WDR43: variants seen among roughly 807,000 people sequenced by gnomAD.
WDR43 encodes WD repeat domain 43.
A neutral mutation model predicts 91.4 loss-of-function variants in WDR43; 13 were observed. That is an observed-to-expected ratio of 0.14 (90% CI 0.09 to 0.23). The LOEUF (loss-of-function observed/expected upper bound fraction) is 0.23. Among genes scored for constraint, WDR43 ranks in the 10% least tolerant of loss-of-function variants. The probability of loss-of-function intolerance (pLI) is 1.00; values close to 1 mark genes in which losing one functional copy is unlikely to be tolerated. For synonymous variants in WDR43, 331 were observed against 287.9 expected, an observed-to-expected ratio of 1.15 and a Z score of -1.51; for missense variants, 780 against 809.4, an observed-to-expected ratio of 0.96 and a Z score of 0.44.
At chr2:28,909,396 G>C (rs1670747368) in intron 3 of WDR43, among the ~76,000 whole-genome samples, 1 of 152,282 alleles carries the variant, frequency 6.6e-6, no homozygotes, top group South Asian at 2.1e-4. Flanking sequence ...GCCTCCCAAA[G>C]TGCTGGGATT....
At chr2:28,898,409 C>A (rs118177042) in intron 1 of WDR43, among the ~76,000 whole-genome samples, 1 of 152,278 alleles carries the variant, frequency 6.6e-6, no homozygotes, top group East Asian at 1.9e-4. Flanking sequence ...GTAAAGGTTG[C>A]AGATAGATCT....
At chr2:28,914,580 AGT>A (rs1358179886) in intron 5 of WDR43, among the ~76,000 whole-genome samples, 1 of 152,234 alleles carries the variant, frequency 6.6e-6, no homozygotes, top group Non-Finnish European at 1.5e-5. Flanking sequence ...CAGAATTTCC[AGT>A]AACTCCTTTT....
chr2:28,924,758 G>C (rs914230125), intron 7 of WDR43, among the ~76,000 whole-genome samples: 1 of 152,002 alleles, frequency 6.6e-6, no homozygotes, highest in South Asian at 2.1e-4. Flanking sequence ...TGGGACAGAG[G>C]GGGAAGTAGG....
intron 11 of WDR43, among the ~76,000 whole-genome samples, chr2:28,932,335 G>C (rs1671263956): frequency 6.6e-6 from 1 of 152,058 alleles, no homozygotes; most frequent in African/African-American, 2.4e-5. Flanking sequence ...AGCTAATTTT[G>C]TATTTTTAGT....
rs11352086 is a variant in WDR43, at chr2:28,931,874, C to CT, written c.1437+2182dup. ...AAATACACATGCCCTTCCCCCCGCC[C>CT]TTTTTTTTTTTTTTTTTTAAATGAG... is the stretch of plus-strand genomic sequence containing the variant. On this transcript the variant is annotated intron_variant, in intron 11 of 17. Transcript: ENST00000407426. 3.3e-3 allele frequency among the ~76,000 whole-genome samples: 429 copies of CT among 128,354 alleles called. 5 individuals carry two copies. The highest frequency in any genetic ancestry group is 0.022 in the East Asian group (101 of 4,586). The allele number at this position is 128,354 out of a possible 152,430, so 84.2% of individuals were successfully genotyped here. A position where few individuals can be genotyped will look rare whatever the true frequency, so the allele number is the denominator to read the frequency against.
chr2:28,940,279 G>T (rs1369125549), intron 14 of WDR43, among the ~76,000 whole-genome samples: 5 of 151,688 alleles, frequency 3.3e-5, no homozygotes, highest in Non-Finnish European at 7.4e-5. Flanking sequence ...GCCTAGGCTG[G>T]AGTGCAATGG....
At chr2:28,929,769 T>G in intron 11 of WDR43, 59 bp downstream of exon 11, 1 of 1,533,140 alleles carries the variant, frequency 6.5e-7, no homozygotes, top group Non-Finnish European at 9.0e-7. Flanking sequence ...AGAAAATGAT[T>G]GACATAGCAC....
rs1671208517 is a variant in WDR43 at position 28,929,773 on chromosome 2, A to G, written c.1437+63A>G. 5.3e-6 allele frequency: 8 copies of G among 1,518,556 alleles called. No homozygotes were observed. The Admixed American group carries it at 1.1e-4, about 20-fold the overall frequency. The allele number at this position is 1,518,556 out of a possible 1,614,324, so 94.1% of individuals were successfully genotyped here. ...TAATATTTCTTAGAAAATGATTGACATAGCACATTCACAGCTGTGAGCCAT... is the reference window on the plus strand; with the variant it reads ...TAATATTTCTTAGAAAATGATTGACGTAGCACATTCACAGCTGTGAGCCAT... On this transcript the variant is annotated intron_variant, in intron 11 of 17. Coordinates refer to ENST00000407426, the MANE Select transcript of WDR43 (RefSeq NM_015131.3).
chr2:28,925,126 T>C lies in WDR43; in HGVS notation c.1059T>C (p.Ser353=). 6.2e-7 allele frequency: 1 copy of C among 1,613,800 alleles called. No individual in the cohort carries two copies. The highest frequency in any genetic ancestry group is 1.3e-5 in the African/African-American group (1 of 75,024). ...TGTCATTGTTGCTTGTATATGGCAG[T>C]TGGTTTCAGCCTACTATTGAGCGAG... The part of the protein sequence containing the change: ...DKMSLLLVYG[S]WFQPTIERVA... The change falls in exon 8 of 18, where the codon AGT becomes AGC. Residue 353 remains serine (S), a synonymous_variant. Coordinates refer to ENST00000407426, the MANE Select transcript of WDR43 (RefSeq NM_015131.3).
chr2:28,918,559 G>A lies in WDR43; in HGVS notation c.849+564G>A, dbSNP rs183652683. Among the ~76,000 whole-genome samples the A allele has an allele frequency of 6.6e-5, 10 of 151,924 alleles. 1 individual carries two copies. Among genetic ancestry groups the A allele is most frequent in the South Asian group, 6.2e-4 (3 of 4,808 alleles). The stretch of plus-strand genomic sequence containing the variant: ...AATTTTGTATTTTTTAGTAGAGATG[G>A]GGTTTCTCCATTTTGGTCAGGCTGG... On this transcript the variant is annotated intron_variant, in intron 6 of 17. Coordinates refer to ENST00000407426, the MANE Select transcript of WDR43 (RefSeq NM_015131.3).
chr2:28,913,185 G>A (rs186939345), intron 4 of WDR43, among the ~76,000 whole-genome samples: 1,618 of 152,034 alleles, frequency 0.011, 30 homozygotes, highest in African/African-American at 0.036. Flanking sequence ...CGATCTCCTG[G>A]CCTCGTGATC....
At chr2:28,904,030 C>G (rs1670628004) in intron 2 of WDR43, among the ~76,000 whole-genome samples, 1 of 152,088 alleles carries the variant, frequency 6.6e-6, no homozygotes, top group South Asian at 2.1e-4. Context: ...GTGTCGAACT[C>G]CTGGCCTCGT....
Position 28,906,483 on chromosome 2 carries a change from C to T in WDR43, c.387C>T (p.Val129=). Reference sequence around the variant, plus strand: ...AGAGTGGTGGACATGACAACAGAGTCAACTGCATACAGTGGCATCAAGACA... The same window carrying T: ...AGAGTGGTGGACATGACAACAGAGTTAACTGCATACAGTGGCATCAAGACA... The part of the protein sequence containing the change: ...KLISGGHDNR[V]NCIQWHQDSG... The change falls in exon 3 of 18, where the codon GTC becomes GTT. Residue 129 remains valine (V), a synonymous_variant. Coordinates refer to ENST00000407426, the MANE Select transcript of WDR43 (RefSeq NM_015131.3). The T allele has an allele frequency of 1.9e-6, 3 of 1,573,824 alleles. No individual in the cohort carries two copies. Among genetic ancestry groups the T allele is most frequent in the Non-Finnish European group, 2.6e-6 (3 of 1,160,046 alleles).
chr2:28,938,105 A>G (rs1671367285), intron 14 of WDR43, 111 bp downstream of exon 14: 1 of 1,144,214 alleles, frequency 8.7e-7, no homozygotes, highest in Non-Finnish European at 1.3e-6. Context: ...TCTATCCTTC[A>G]GCCGTTAGAT....
At chr2:28,917,336 C>T (rs975492467) in intron 5 of WDR43, among the ~76,000 whole-genome samples, 1 of 152,178 alleles carries the variant, frequency 6.6e-6, no homozygotes. Context: ...CAATCAACTG[C>T]ATATGTGTGT....
intron 6 of WDR43, among the ~76,000 whole-genome samples, chr2:28,921,435 A>AT (rs1384600420): frequency 1.3e-5 from 2 of 152,040 alleles, no homozygotes; most frequent in Admixed American, 1.3e-4. Context: ...CTTTTAAATG[A>AT]TTTTTTAAGA....
At chr2:28,944,221 T>G (rs188482775) in intron 16 of WDR43, among the ~76,000 whole-genome samples, 4 of 152,360 alleles carry the variant, frequency 2.6e-5, no homozygotes, top group Non-Finnish European at 5.9e-5. Context: ...GTTGTTGTTT[T>G]GGAAATTCCA....
intron 2 of WDR43, among the ~76,000 whole-genome samples, chr2:28,905,663 C>CTTTTT (rs1434158898): frequency 6.2e-5 from 8 of 129,188 alleles, no homozygotes; most frequent in Admixed American, 1.8e-4. Context: ...CTCTCTTCTT[C>CTTTTT]TCTTTTTTTT....
intron 14 of WDR43, 113 bp from the exon 15 acceptor site, chr2:28,941,348 G>C: frequency 1.4e-6 from 1 of 707,640 alleles, no homozygotes; most frequent in Non-Finnish European, 2.3e-6. Flanking sequence ...GGGAGTACTT[G>C]TAAGCAGATG....
Sources: allele counts gnomAD v4.1 joint callset (sites outside exome capture counted in the v4.1 genomes callset), GRCh38; gene constraint gnomAD v4.1.1; transcripts MANE v1.5; gene names NCBI Gene and HGNC (gene_info 2026-07-23, HGNC 2026-07-21).